Variants in SDCCAG8 observed in about 807,000 individuals in gnomAD.
The protein encoded by SDCCAG8 is SHH signaling and ciliogenesis regulator SDCCAG8, also known as serologically defined colon cancer antigen 8.
In SDCCAG8, 74 loss-of-function variants were observed where a neutral mutation model predicts 101.8. That is an observed-to-expected ratio of 0.73 (90% CI 0.60 to 0.88). The LOEUF (loss-of-function observed/expected upper bound fraction) is 0.88, where lower values mean the gene tolerates loss of function less well. Ranked by LOEUF, SDCCAG8 falls within the 40% of genes least tolerant of loss-of-function variation. The pLI is 0.00. For synonymous variants in SDCCAG8, 281 were observed against 292.9 expected (o/e 0.96, Z 0.41); for missense variants, 787 against 822.6 (o/e 0.96, Z 0.53).
chr1:243,437,267 A>G (rs2082196014), intron 16 of SDCCAG8, among the ~76,000 whole-genome samples: 1 of 152,194 alleles, frequency 6.6e-6, no homozygotes, highest in Non-Finnish European at 1.5e-5. Flanking sequence ...CTTCTAACTT[A>G]TTAATGTATC....
intron 11 of SDCCAG8, 71 bp from the exon 12 acceptor site, chr1:243,344,144 A>G: frequency 7.9e-7 from 1 of 1,273,548 alleles, no homozygotes; most frequent in Non-Finnish European, 1.2e-6. Context: ...AGGGGGCACC[A>G]AAAGATCTAA....
chr1:243,372,335 A>G (rs913770697), intron 12 of SDCCAG8, among the ~76,000 whole-genome samples: 3 of 152,212 alleles, frequency 2.0e-5, no homozygotes, highest in Non-Finnish European at 2.9e-5. Flanking sequence ...CTGTTACACA[A>G]ACAAGTCACC....
Position 243,416,693 on chromosome 1 carries a change from A to T in SDCCAG8, c.1744+864A>T, listed in dbSNP as rs1047331610. Reference sequence around the variant, plus strand: ...GTTTGATTTGTTCAGTCAGAGCATTATGTAGTTTCTTTCACTTTTGAGTTG... The same window carrying T: ...GTTTGATTTGTTCAGTCAGAGCATTTTGTAGTTTCTTTCACTTTTGAGTTG... On this transcript the variant is annotated intron_variant, in intron 14 of 17. Transcript: ENST00000366541. This position sits in a 1 kb window ranked among gnomAD's most constrained non-coding sequence, Gnocchi z 4.3. Among the ~76,000 whole-genome samples, 3 of 152,196 alleles carry T rather than the reference A, an allele frequency of 2.0e-5. No homozygotes were observed. The highest frequency in any genetic ancestry group is 7.2e-5 in the African/African-American group (3 of 41,450).
At position 243,474,132 on chromosome 1, in the gene SDCCAG8, A is replaced by T. The variant is rs1436818484; in HGVS notation, c.1986-14882A>T. On this transcript the variant is annotated intron_variant, in intron 16 of 17. Coordinates refer to ENST00000366541, the MANE Select transcript of SDCCAG8 (RefSeq NM_006642.5). The surrounding 1 kb of genome is among the most constrained non-coding windows in gnomAD (Gnocchi z 4.7). ...CTGACAAACAATGATTCATTGGTTTACAAATAAGGAATTAAAAGGTAAGAA... is the reference window on the plus strand; with the variant it reads ...CTGACAAACAATGATTCATTGGTTTTCAAATAAGGAATTAAAAGGTAAGAA... Among the ~76,000 whole-genome samples, 1 of 152,218 alleles carries T rather than the reference A, an allele frequency of 6.6e-6. No individual in the cohort carries two copies.
chr1:243,294,908 G>C (rs183029137), intron 6 of SDCCAG8, among the ~76,000 whole-genome samples: 13 of 152,116 alleles, frequency 8.5e-5, no homozygotes, highest in Admixed American at 6.5e-4. Context: ...ACTGTAAATG[G>C]AATGTTCCAG....
At chr1:243,306,489 T>C (rs926695078) in intron 7 of SDCCAG8, 1 of 152,196 alleles carries the variant, frequency 6.6e-6, no homozygotes, top group African/African-American at 2.4e-5. Context: ...TTTCTTTTAC[T>C]ATAATTTAAG....
intron 13 of SDCCAG8, among the ~76,000 whole-genome samples, chr1:243,402,150 G>A (rs1237106327): frequency 6.6e-6 from 1 of 152,100 alleles, no homozygotes; most frequent in East Asian, 1.9e-4. Flanking sequence ...AAAGGAGGCT[G>A]GGCGCGGTAG....
At chr1:243,279,165 G>T (rs944501245) in intron 4 of SDCCAG8, among the ~76,000 whole-genome samples, 1 of 152,090 alleles carries the variant, frequency 6.6e-6, no homozygotes, top group East Asian at 1.9e-4. Context: ...TGTGAGAGGG[G>T]CCATCTTTGC....
At chr1:243,337,404 C>T (rs1275626202) in intron 10 of SDCCAG8, among the ~76,000 whole-genome samples, 1 of 152,132 alleles carries the variant, frequency 6.6e-6, no homozygotes, top group Admixed American at 6.5e-5. Flanking sequence ...CCCTAGTAAG[C>T]CCTGGCTGAC....
intron 16 of SDCCAG8, among the ~76,000 whole-genome samples, chr1:243,477,880 C>T (rs551692236): frequency 3.9e-5 from 6 of 152,190 alleles, no homozygotes; most frequent in Admixed American, 2.0e-4. Flanking sequence ...TTCCAGAGTA[C>T]GGTCCTCAAA....
At chr1:243,461,458 G>A (rs553969134) in intron 16 of SDCCAG8, among the ~76,000 whole-genome samples, 18 of 152,244 alleles carry the variant, frequency 1.2e-4, no homozygotes, top group African/African-American at 3.6e-4. Context: ...CTTTAATTCC[G>A]CAGCATGGTT....
In SDCCAG8 at chr1:243,259,117, G is replaced by A. The variant is rs117903815; in HGVS notation, c.67+2877G>A. On this transcript the variant is annotated intron_variant, in intron 1 of 17. Coordinates refer to ENST00000366541, the MANE Select transcript of SDCCAG8 (RefSeq NM_006642.5). ...TTCCATTTTAAAAAGATCTTTTCCT[G>A]GGGCCGGGCGTGGTGGCTCACGCCT... Among the ~76,000 whole-genome samples the A allele has an allele frequency of 7.8e-4, 119 of 152,232 alleles. 3 individuals are homozygous for A. In the East Asian group the frequency reaches 0.022, roughly 28 times the overall value.
chr1:243,341,020 C>T lies in SDCCAG8; in HGVS notation c.1222-19C>T. 2 of 1,611,240 alleles carry T rather than the reference C, an allele frequency of 1.2e-6. No individual in the cohort carries two copies. The highest frequency in any genetic ancestry group is 2.2e-5 in the South Asian group (2 of 91,024). On this transcript the variant is annotated intron_variant, in intron 10 of 17. Transcript: ENST00000366541. ...TGTCAAATGACATTATTGTTTAGGA[C>T]TTTTATTTTCCCTTACAGATGTTGA... is the stretch of plus-strand genomic sequence containing the variant.
intron 15 of SDCCAG8, 57 bp downstream of exon 15, chr1:243,418,133 T>A: frequency 8.0e-7 from 1 of 1,252,294 alleles, no homozygotes. Context: ...ACTCTAATTT[T>A]TCCTTAAAAA....
chr1:243,352,328 A>G (rs2147819820), intron 12 of SDCCAG8, among the ~76,000 whole-genome samples: 1 of 152,350 alleles, frequency 6.6e-6, no homozygotes, highest in East Asian at 1.9e-4. Context: ...CTGGACTCTA[A>G]GAATATTCCT....
At chr1:243,483,289 C>A (rs1477027046) in intron 16 of SDCCAG8, among the ~76,000 whole-genome samples, 1 of 152,064 alleles carries the variant, frequency 6.6e-6, no homozygotes, top group Non-Finnish European at 1.5e-5. Context: ...CGCCCTCGTC[C>A]CCGCAGCAGC....
intron 4 of SDCCAG8, among the ~76,000 whole-genome samples, chr1:243,276,024 C>T (rs2068538917): frequency 6.6e-6 from 1 of 151,856 alleles, no homozygotes; most frequent in African/African-American, 2.4e-5. Flanking sequence ...CCACCACGCC[C>T]AGCTAATTTT....
At chr1:243,360,272 A>G (rs1226754489) in intron 12 of SDCCAG8, among the ~76,000 whole-genome samples, 4 of 146,194 alleles carry the variant, frequency 2.7e-5, no homozygotes, top group Non-Finnish European at 6.0e-5. Flanking sequence ...CAGCCTCCCT[A>G]GTATCTGGGA....
At chr1:243,293,908 T>C (rs2070527346) in intron 6 of SDCCAG8, among the ~76,000 whole-genome samples, 1 of 152,250 alleles carries the variant, frequency 6.6e-6, no homozygotes, top group African/African-American at 2.4e-5. Context: ...TTCGTTTTTC[T>C]ACCTGCTCAA....
Sources: allele counts gnomAD v4.1 joint callset (sites outside exome capture counted in the v4.1 genomes callset), GRCh38; gene constraint gnomAD v4.1.1; non-coding constraint Gnocchi (gnomAD v3.1); transcripts MANE v1.5; gene names NCBI Gene and HGNC (gene_info 2026-07-23, HGNC 2026-07-21).